DCTN4: variants seen among roughly 807,000 people sequenced by gnomAD.
The protein encoded by DCTN4 is dynactin 4 (p62).
Under a neutral mutation model 62.7 loss-of-function variants are expected in DCTN4, and 23 were observed. The ratio of observed to expected loss-of-function variants is 0.37; its 90% confidence interval spans 0.26 to 0.52. The LOEUF (loss-of-function observed/expected upper bound fraction) is 0.52. Among genes scored for constraint, DCTN4 ranks in the 20% least tolerant of loss-of-function variants. DCTN4 has a pLI of 0.92. For synonymous variants in DCTN4, 199 were observed against 202.1 expected (o/e 0.98, Z 0.13); for missense variants, 514 against 580.4 (o/e 0.89, Z 1.18).
At chr5:150,725,911 T>C (rs923870994) in intron 8 of DCTN4, among the ~76,000 whole-genome samples, 3 of 152,178 alleles carry the variant, frequency 2.0e-5, no homozygotes, top group African/African-American at 4.8e-5. Context: ...CCTGTATTTA[T>C]TTATTTTTTG....
At chr5:150,750,229 T>C (rs565914134) in intron 3 of DCTN4, among the ~76,000 whole-genome samples, 4 of 152,174 alleles carry the variant, frequency 2.6e-5, no homozygotes, top group African/African-American at 7.2e-5. Flanking sequence ...ATATAAATTA[T>C]ATATTGGTAA....
intron 4 of DCTN4, chr5:150,736,347 G>A (rs1760581443): frequency 6.6e-6 from 1 of 152,214 alleles, no homozygotes; most frequent in South Asian, 2.1e-4. Flanking sequence ...AGAATCTTAA[G>A]AGTTATGAGG....
At chr5:150,741,161 T>C (rs1215315670) in intron 4 of DCTN4, among the ~76,000 whole-genome samples, 3 of 99,276 alleles carry the variant, frequency 3.0e-5, no homozygotes, top group Admixed American at 9.4e-5. Context: ...TGAGATCCTG[T>C]CTCAAAAAAA....
intron 12 of DCTN4, among the ~76,000 whole-genome samples, chr5:150,713,615 TG>T (rs1368278259): frequency 2.0e-5 from 3 of 151,662 alleles, no homozygotes; most frequent in African/African-American, 7.3e-5. Context: ...GGCTAATTTT[TG>T]TATTTTTAGT....
At chr5:150,729,946 A>G (rs555165570) in intron 8 of DCTN4, among the ~76,000 whole-genome samples, 3 of 151,802 alleles carry the variant, frequency 2.0e-5, no homozygotes, top group South Asian at 2.1e-4. Context: ...AACTCTATAC[A>G]TTGTGTTTGG....
rs191170140 is a variant in DCTN4 at position 150,752,919 on chromosome 5, T to G, written c.385+560A>C. On this transcript the variant is annotated intron_variant, in intron 3 of 12. Transcript: ENST00000447998. ...TCTTGCTCTGTCACCCAGGCTGGAG[T>G]GCAGAGGCCCGATCTCGGCTCACCG... Among the ~76,000 whole-genome samples the G allele has an allele frequency of 1.8e-3, 279 of 151,970 alleles. 6 individuals are homozygous for G. Among genetic ancestry groups the G allele is most frequent in the Admixed American group, 0.017 (256 of 15,262 alleles).
At chr5:150,734,783 C>A (rs1179559415) in intron 4 of DCTN4, among the ~76,000 whole-genome samples, 1 of 152,194 alleles carries the variant, frequency 6.6e-6, no homozygotes, top group East Asian at 1.9e-4. Flanking sequence ...GCCCTGCAAA[C>A]CCCATGCTGT....
At chr5:150,716,299 GAAC>G (rs1233335172) in intron 11 of DCTN4, among the ~76,000 whole-genome samples, 1 of 152,028 alleles carries the variant, frequency 6.6e-6, no homozygotes, top group Non-Finnish European at 1.5e-5. Context: ...CCATCATTAA[GAAC>G]AACACAAAGG....
intron 3 of DCTN4, among the ~76,000 whole-genome samples, chr5:150,743,903 G>C (rs1450086126): frequency 2.0e-5 from 3 of 152,352 alleles, no homozygotes; most frequent in Non-Finnish European, 4.4e-5. Context: ...CCAAAGGAAA[G>C]CAGCTCCTCA....
chr5:150,719,839 C>A, intron 9 of DCTN4, 69 bp from the exon 10 acceptor site: 1 of 984,296 alleles, frequency 1.0e-6, no homozygotes, highest in East Asian at 2.5e-5. Flanking sequence ...TTTTTTAAAG[C>A]TAGTGCAGTA....
At chr5:150,735,582 G>A (rs980815832) in intron 4 of DCTN4, among the ~76,000 whole-genome samples, 2 of 152,164 alleles carry the variant, frequency 1.3e-5, no homozygotes, top group Non-Finnish European at 2.9e-5. Flanking sequence ...AATAATTGCA[G>A]TCCAGCTCTC....
At chr5:150,748,981 G>T (rs552420451) in intron 3 of DCTN4, among the ~76,000 whole-genome samples, 2 of 151,962 alleles carry the variant, frequency 1.3e-5, no homozygotes, top group African/African-American at 2.4e-5. Flanking sequence ...AGACTTAAAT[G>T]TAAGTGTTAA....
intron 1 of DCTN4, chr5:150,758,442 G>A: frequency 1.0e-6 from 1 of 992,012 alleles, no homozygotes; most frequent in Non-Finnish European, 1.2e-6. Context: ...AAGAGGAACA[G>A]AACTTTCAGG....
intron 3 of DCTN4, among the ~76,000 whole-genome samples, chr5:150,747,237 G>A (rs1278930916): frequency 2.6e-5 from 4 of 152,180 alleles, no homozygotes; most frequent in Admixed American, 1.3e-4. Flanking sequence ...TACAAGGGAC[G>A]TGAAGGACCT....
chr5:150,712,112 C>G (rs1404259096), intron 12 of DCTN4, among the ~76,000 whole-genome samples: 1 of 152,062 alleles, frequency 6.6e-6, no homozygotes, highest in Non-Finnish European at 1.5e-5. Context: ...AACATAGACT[C>G]ATACCGTGGA....
At chr5:150,721,845 G>A (rs933348193) in intron 9 of DCTN4, among the ~76,000 whole-genome samples, 1 of 152,074 alleles carries the variant, frequency 6.6e-6, no homozygotes, top group Admixed American at 6.6e-5. Flanking sequence ...TTTCCTTAGA[G>A]AGAGAGTCCT....
At chr5:150,728,607 T>C (rs113646625) in intron 8 of DCTN4, among the ~76,000 whole-genome samples, 5 of 152,340 alleles carry the variant, frequency 3.3e-5, no homozygotes, top group African/African-American at 1.2e-4. Context: ...GGTTATATCT[T>C]CTTTGTAAAT....
rs139144865 is a variant in DCTN4 at position 150,715,585 on chromosome 5, T to G, written c.1149A>C (p.Gln383His). The change falls in exon 12 of 13, where the codon CAA (glutamine) becomes CAC (histidine). Residue 383 changes from glutamine (Q) to histidine (H), a missense_variant. Physicochemically the swap from Gln to His is conservative, Grantham distance 24 (BLOSUM62 0). Coordinates refer to ENST00000447998, the MANE Select transcript of DCTN4 (RefSeq NM_016221.4). ...AAEYDELAEPQDFQDDPDIIA... is the reference protein window; with the variant it reads ...AAEYDELAEPHDFQDDPDIIA... ...CTCACTCAGGATCGTCCTGAAAGTC[T>G]TGAGGTTCTGCCAACTCATCGTACT... The G allele has an allele frequency of 1.9e-6, 3 of 1,614,178 alleles. No individual in the cohort carries two copies. The highest frequency in any genetic ancestry group is 8.5e-7 in the Non-Finnish European group (1 of 1,180,010).
Position 150,708,883 on chromosome 5 carries a change from G to A in DCTN4, c.*2266C>T, listed in dbSNP as rs556730682. 2.4e-4 allele frequency: 37 copies of A among 152,938 alleles called. No homozygotes were observed. Among genetic ancestry groups the A allele is most frequent in the African/African-American group, 8.2e-4 (34 of 41,594 alleles). The allele number at this position is 152,938 out of a possible 1,614,324, so 9.5% of individuals were successfully genotyped here. ...AGGGTGTTTCTTCACAAATATGCAT[G>A]ACACTTAGCTCATTATGCTGATAAG... is the stretch of plus-strand genomic sequence containing the variant. On this transcript the variant is annotated 3_prime_UTR_variant, in exon 13 of 13. Transcript: ENST00000447998.
Sources: allele counts gnomAD v4.1 joint callset (sites outside exome capture counted in the v4.1 genomes callset), GRCh38; gene constraint gnomAD v4.1.1; transcripts MANE v1.5; gene names NCBI Gene and HGNC (gene_info 2026-07-23, HGNC 2026-07-21).